NRXN1: variants seen among roughly 807,000 people sequenced by gnomAD.
NRXN1 encodes the protein neurexin-1.
In NRXN1, 39 loss-of-function variants were observed where a neutral mutation model predicts 150.9. That is an observed-to-expected ratio of 0.26 (90% CI 0.20 to 0.34). The LOEUF (loss-of-function observed/expected upper bound fraction) is 0.34. NRXN1 is among the 10% of genes least tolerant of loss of function. The pLI is 1.00. For synonymous variants in NRXN1, 924 were observed against 757.0 expected (o/e 1.22, Z -3.62); for missense variants, 1,815 against 1,949.9 (o/e 0.93, Z 1.30).
intron 21 of NRXN1, chr2:50,023,297 C>G (rs1490113760): frequency 6.6e-6 from 1 of 152,112 alleles, no homozygotes; most frequent in Non-Finnish European, 1.5e-5. Flanking sequence ...CTCCTTTAAC[C>G]TCCATCACTT....
intron 16 of NRXN1, 42 bp downstream of exon 16, chr2:50,472,256 G>A: frequency 6.8e-7 from 1 of 1,461,348 alleles, no homozygotes; most frequent in Non-Finnish European, 9.1e-7. Flanking sequence ...TTAGACAGGT[G>A]GAATTAGAAT....
chr2:50,537,253 T>C lies in NRXN1; in HGVS notation c.2143+1000A>G, dbSNP rs546134097. Among the ~76,000 whole-genome samples, 4 of 152,322 alleles carry C rather than the reference T, an allele frequency of 2.6e-5. No homozygotes were observed. In the East Asian group the frequency reaches 7.7e-4, roughly 29 times the overall value. On this transcript the variant is annotated intron_variant, in intron 10 of 22. Transcript: ENST00000401669. ...AAATAGATGCCAGGTAATTTTAGGC[T>C]AAATATGTAATAAAGCAATGTTATT...
intron 17 of NRXN1, among the ~76,000 whole-genome samples, chr2:50,335,825 T>C (rs1016870926): frequency 6.6e-6 from 1 of 151,772 alleles, no homozygotes; most frequent in Non-Finnish European, 1.5e-5. Context: ...TCTAGAATGA[T>C]AAGAATGAAA....
chr2:50,105,499 T>C (rs1246075074), intron 18 of NRXN1, among the ~76,000 whole-genome samples: 1 of 152,062 alleles, frequency 6.6e-6, no homozygotes, highest in African/African-American at 2.4e-5. Flanking sequence ...TTCTCTAGTA[T>C]GTTTTTTGTT....
chr2:50,552,428 T>C lies in NRXN1; in HGVS notation c.1759+159A>G, dbSNP rs555343023. Among the ~76,000 whole-genome samples, 6 of 152,362 alleles carry C rather than the reference T, an allele frequency of 3.9e-5. No homozygotes were observed. In the East Asian group the frequency reaches 1.2e-3, roughly 29 times the overall value. ...ACTATGATAATTAATTAGCTCTTTC[T>C]TTCATGGTGTGAAACAGAAGCAATA... On this transcript the variant is annotated intron_variant, in intron 9 of 22. Coordinates refer to ENST00000401669, the MANE Select transcript of NRXN1 (RefSeq NM_001330078.2).
intron 19 of NRXN1, among the ~76,000 whole-genome samples, chr2:50,078,445 A>G (rs1224769100): frequency 1.3e-5 from 2 of 152,112 alleles, no homozygotes; most frequent in African/African-American, 4.8e-5. Context: ...TAATAATTAA[A>G]TAACCATTAG....
intron 15 of NRXN1, among the ~76,000 whole-genome samples, chr2:50,476,724 G>A (rs541259517): frequency 3.3e-5 from 5 of 152,130 alleles, no homozygotes; most frequent in African/African-American, 1.2e-4. Context: ...TTTTCTATTG[G>A]ATTTAGTTGA....
chr2:50,726,780 A>G (rs1379700110), intron 5 of NRXN1, among the ~76,000 whole-genome samples: 2 of 152,188 alleles, frequency 1.3e-5, no homozygotes, highest in African/African-American at 2.4e-5. Flanking sequence ...CAAGACTCCA[A>G]TATAGTCATT....
chr2:51,007,768 G>C (rs1667251455), intron 2 of NRXN1, among the ~76,000 whole-genome samples: 1 of 151,816 alleles, frequency 6.6e-6, no homozygotes, highest in Admixed American at 6.6e-5. Flanking sequence ...CAAATACATA[G>C]AGTAACAGTC....
intron 21 of NRXN1, among the ~76,000 whole-genome samples, chr2:49,946,071 G>A (rs901412334): frequency 6.6e-6 from 1 of 152,048 alleles, no homozygotes; most frequent in African/African-American, 2.4e-5. Flanking sequence ...TTTAATGATT[G>A]CCATTCTAAC....
intron 18 of NRXN1, among the ~76,000 whole-genome samples, chr2:50,153,857 C>T (rs2058849476): frequency 1.3e-5 from 2 of 151,660 alleles, no homozygotes; most frequent in Admixed American, 1.3e-4. Flanking sequence ...TGGTCAGAGA[C>T]AGTAGTCAGA....
chr2:50,909,104 G>A (rs1684165325), intron 5 of NRXN1, among the ~76,000 whole-genome samples: 1 of 151,922 alleles, frequency 6.6e-6, no homozygotes, highest in African/African-American at 2.4e-5. Flanking sequence ...TTTAACTCTA[G>A]AGAAATTGAA....
chr2:50,784,168 C>T (rs1166400140), intron 5 of NRXN1, among the ~76,000 whole-genome samples: 1 of 152,064 alleles, frequency 6.6e-6, no homozygotes, highest in African/African-American at 2.4e-5. Context: ...AAATATATTA[C>T]TTTGAGTAAT....
intron 5 of NRXN1, among the ~76,000 whole-genome samples, chr2:50,869,242 A>C (rs2106086613): frequency 6.6e-6 from 1 of 151,940 alleles, no homozygotes; most frequent in African/African-American, 2.4e-5. Flanking sequence ...GGAAAAACAA[A>C]CCAATTCATT....
chr2:50,424,128 G>A (rs1027973280), intron 17 of NRXN1, among the ~76,000 whole-genome samples: 9 of 92,330 alleles, frequency 9.7e-5, no homozygotes, highest in East Asian at 9.9e-4. Context: ...AGAAGGAGGC[G>A]GAGGAGGAGG....
chr2:50,738,258 A>G (rs895505591), intron 5 of NRXN1, among the ~76,000 whole-genome samples: 3 of 152,206 alleles, frequency 2.0e-5, no homozygotes, highest in African/African-American at 7.2e-5. Flanking sequence ...CTCATTAATG[A>G]CACTGCATCA....
intron 17 of NRXN1, among the ~76,000 whole-genome samples, chr2:50,341,330 C>A (rs1054947111): frequency 6.6e-6 from 1 of 151,600 alleles, no homozygotes; most frequent in African/African-American, 2.4e-5. Flanking sequence ...GACAGGAACT[C>A]AGGTCTTCTG....
intron 21 of NRXN1, among the ~76,000 whole-genome samples, chr2:49,957,636 G>A (rs1373555047): frequency 6.6e-6 from 1 of 152,144 alleles, no homozygotes; most frequent in African/African-American, 2.4e-5. Context: ...AAAATACAAG[G>A]AGCATCTCTT....
chr2:50,914,535 A>C (rs1295447048), intron 5 of NRXN1, among the ~76,000 whole-genome samples: 1 of 151,664 alleles, frequency 6.6e-6, no homozygotes, highest in Non-Finnish European at 1.5e-5. Context: ...TAATTAGAAA[A>C]ATGTGAAAAG....
Sources: allele counts gnomAD v4.1 joint callset (sites outside exome capture counted in the v4.1 genomes callset), GRCh38; gene constraint gnomAD v4.1.1; transcripts MANE v1.5; gene names NCBI Gene and HGNC (gene_info 2026-07-23, HGNC 2026-07-21).